The following EXOC2 variants were observed in gnomAD, a reference collection of about 807,000 sequenced individuals.
EXOC2 encodes SEC5-like 1.
Under a neutral mutation model 131.8 loss-of-function variants are expected in EXOC2, and 70 were observed. The ratio of observed to expected loss-of-function variants is 0.53; its 90% CI spans 0.44 to 0.65. EXOC2 has a LOEUF of 0.65. Among genes scored for constraint, EXOC2 ranks in the 30% least tolerant of loss-of-function variants. The pLI, the probability that EXOC2 is intolerant of heterozygous loss-of-function variation, is 0.00. For synonymous variants in EXOC2, 411 were observed against 398.4 expected, an observed-to-expected ratio of 1.03 and a Z score of -0.38; for missense variants, 923 against 1,108.6, an observed-to-expected ratio of 0.83 and a Z score of 2.38.
At chr6:543,362 C>T (rs890693881) in intron 22 of EXOC2, among the ~76,000 whole-genome samples, 2 of 152,020 alleles carry the variant, frequency 1.3e-5, no homozygotes, top group East Asian at 3.9e-4. Context: ...AAACCAGGCA[C>T]GGAAAGACAA....
chr6:656,759 G>A (rs1013831436), intron 1 of EXOC2: 1 of 1,589,708 alleles, frequency 6.3e-7, no homozygotes, highest in African/African-American at 1.3e-5. Flanking sequence ...ACTGCTGGAA[G>A]GCCCCCTGCC....
intron 7 of EXOC2, among the ~76,000 whole-genome samples, chr6:604,626 T>C (rs1760294733): frequency 6.6e-6 from 1 of 152,126 alleles, no homozygotes; most frequent in African/African-American, 2.4e-5. Flanking sequence ...TCGTCTACCC[T>C]GCGGCCACAC....
At chr6:618,461 G>A (rs1381489820) in intron 5 of EXOC2, among the ~76,000 whole-genome samples, 2 of 152,122 alleles carry the variant, frequency 1.3e-5, no homozygotes, top group Non-Finnish European at 2.9e-5. Flanking sequence ...AGAAAATCCG[G>A]CTATAAAACT....
intron 13 of EXOC2, among the ~76,000 whole-genome samples, chr6:565,912 G>C (rs1208501445): frequency 6.6e-6 from 1 of 152,148 alleles, no homozygotes; most frequent in African/African-American, 2.4e-5. Flanking sequence ...ATCAATGTAA[G>C]TAAAATATGG....
chr6:582,482 G>A (rs897942546), intron 11 of EXOC2, among the ~76,000 whole-genome samples: 3 of 151,980 alleles, frequency 2.0e-5, no homozygotes, highest in Non-Finnish European at 2.9e-5. Context: ...ATTTTCCTGC[G>A]CACAGCGGGC....
chr6:554,890 T>C (rs1757338044), intron 20 of EXOC2, among the ~76,000 whole-genome samples: 1 of 152,194 alleles, frequency 6.6e-6, no homozygotes, highest in Non-Finnish European at 1.5e-5. Flanking sequence ...GCAAGAGCAA[T>C]GGTGCCTCCC....
chr6:529,646 G>C (rs985278580), intron 23 of EXOC2, among the ~76,000 whole-genome samples: 1 of 152,114 alleles, frequency 6.6e-6, no homozygotes, highest in Non-Finnish European at 1.5e-5. Flanking sequence ...ATTAAGATAA[G>C]CATGATTTCA....
chr6:631,222 C>T (rs547729517), intron 3 of EXOC2, among the ~76,000 whole-genome samples: 1 of 152,332 alleles, frequency 6.6e-6, no homozygotes, highest in Admixed American at 6.5e-5. Context: ...TGCTCAAGTC[C>T]AGGCACTCTT....
At chr6:586,322 A>G (rs1193238401) in intron 11 of EXOC2, among the ~76,000 whole-genome samples, 1 of 152,154 alleles carries the variant, frequency 6.6e-6, no homozygotes, top group Non-Finnish European at 1.5e-5. Context: ...TTTGGCTCTG[A>G]TGGGGGCACT....
chr6:621,049 T>G (rs1044151474), intron 4 of EXOC2, among the ~76,000 whole-genome samples: 1 of 152,180 alleles, frequency 6.6e-6, no homozygotes, highest in Non-Finnish European at 1.5e-5. Flanking sequence ...GGTCTCAGTC[T>G]TACCGCAGAC....
At chr6:533,905 G>A (rs1481884521) in intron 22 of EXOC2, among the ~76,000 whole-genome samples, 4 of 152,192 alleles carry the variant, frequency 2.6e-5, no homozygotes, top group Non-Finnish European at 5.9e-5. Flanking sequence ...AAGGGAGTCC[G>A]CTGCTATGCA....
chr6:513,237 G>A (rs912974155), intron 23 of EXOC2, among the ~76,000 whole-genome samples: 3 of 152,250 alleles, frequency 2.0e-5, no homozygotes, highest in Non-Finnish European at 2.9e-5. Context: ...ACCACGTGCC[G>A]TACCAAGAGC....
chr6:501,882 A>C (rs1285356847), intron 23 of EXOC2, among the ~76,000 whole-genome samples: 1 of 151,688 alleles, frequency 6.6e-6, no homozygotes, highest in East Asian at 1.9e-4. Flanking sequence ...CTTATCTAGG[A>C]GGCAGGAGAG....
intron 1 of EXOC2, among the ~76,000 whole-genome samples, chr6:660,633 A>G (rs1258443172): frequency 6.6e-6 from 1 of 152,218 alleles, no homozygotes; most frequent in Non-Finnish European, 1.5e-5. Context: ...ACTTTGTGGG[A>G]CAAAAGAATC....
chr6:550,518 C>T (rs754501827), intron 21 of EXOC2, among the ~76,000 whole-genome samples: 1 of 152,182 alleles, frequency 6.6e-6, no homozygotes, highest in Non-Finnish European at 1.5e-5. Context: ...ATTAAAGGAT[C>T]TTCAAACAAG....
At chr6:622,511 A>T (rs963938585) in intron 4 of EXOC2, among the ~76,000 whole-genome samples, 33 of 152,128 alleles carry the variant, frequency 2.2e-4, no homozygotes, top group African/African-American at 8.0e-4. Context: ...TAGCGTTAAG[A>T]GCTGATGATG....
chr6:545,382 C>G (rs1272043488), intron 22 of EXOC2, among the ~76,000 whole-genome samples: 2 of 152,080 alleles, frequency 1.3e-5, no homozygotes. Context: ...AGTTTATTAA[C>G]CATACAACTC....
At chr6:539,471 C>T (rs1359968561) in intron 22 of EXOC2, among the ~76,000 whole-genome samples, 1 of 152,156 alleles carries the variant, frequency 6.6e-6, no homozygotes, top group Admixed American at 6.5e-5. Flanking sequence ...CACTCAACAA[C>T]ATTTCCATCT....
intron 1 of EXOC2, among the ~76,000 whole-genome samples, chr6:652,331 CGCCTGG>C (rs1235362711): frequency 6.6e-6 from 1 of 152,178 alleles, no homozygotes; most frequent in African/African-American, 2.4e-5. Flanking sequence ...TCAAGCGACT[CGCCTGG>C]GTCCAATGTT....
Sources: allele counts gnomAD v4.1 joint callset (sites outside exome capture counted in the v4.1 genomes callset), GRCh38; gene constraint gnomAD v4.1.1; transcripts MANE v1.5; gene names NCBI Gene and HGNC (gene_info 2026-07-23, HGNC 2026-07-21).